Variants in ARHGEF6 observed in about 807,000 individuals in gnomAD.
The protein encoded by ARHGEF6 is Rac/Cdc42 guanine nucleotide exchange factor 6, also known as rho guanine nucleotide exchange factor 6.
A neutral mutation model predicts 70.3 loss-of-function variants in ARHGEF6; 9 were observed. That is an observed-to-expected ratio of 0.13 (90% CI 0.08 to 0.22). ARHGEF6 has a LOEUF of 0.22. ARHGEF6 is among the 10% of genes least tolerant of loss of function. The pLI is 1.00. For missense variants in ARHGEF6, 470 were observed against 563.0 expected, an observed-to-expected ratio of 0.83 and a Z score of 1.67; for synonymous variants, 201 against 207.8, an observed-to-expected ratio of 0.97 and a Z score of 0.28.
intron 2 of ARHGEF6, among the ~76,000 whole-genome samples, chrX:136,765,315 T>G (rs779364849): frequency 1.8e-5 from 2 of 112,422 alleles, no homozygotes; most frequent in South Asian, 3.7e-4. Flanking sequence ...AGAACAAAAC[T>G]CATACTCTTC....
chrX:136,731,104 A>T lies in ARHGEF6; in HGVS notation c.732+998T>A, dbSNP rs2076930849. ...TAGCCTTGGAAATGTAAGATAAAAG[A>T]TATTAACAAAATAGTCGACTGTGAT... On this transcript the variant is annotated intron_variant, in intron 6 of 21. Coordinates refer to ENST00000250617, the MANE Select transcript of ARHGEF6 (RefSeq NM_004840.3). Among the ~76,000 whole-genome samples, 5 of 112,474 alleles carry T rather than the reference A, an allele frequency of 4.4e-5. No individual in the cohort carries two copies. The South Asian group carries it at 1.8e-3, about 41-fold the overall frequency.
At chrX:136,691,140 A>G (rs1277468821) in intron 9 of ARHGEF6, among the ~76,000 whole-genome samples, 1 of 111,989 alleles carries the variant, frequency 8.9e-6, no homozygotes, top group Admixed American at 9.4e-5. Flanking sequence ...CCAGAACTTA[A>G]AGTATAATTT....
At position 136,772,857 on chromosome X, in the gene ARHGEF6, C is replaced by T. The variant is rs777469836; in HGVS notation, c.249+6557G>A. 4.5e-5 allele frequency among the ~76,000 whole-genome samples: 5 copies of T among 111,802 alleles called. No homozygotes were observed. In the East Asian group the frequency reaches 1.1e-3, roughly 25 times the overall value. On this transcript the variant is annotated intron_variant, in intron 2 of 21. Transcript: ENST00000250617. Reference sequence around the variant, plus strand: ...CAGCCTGGGAGACAGAGCAAGACTCCGTCTCAAACAAACAGACAACAACAA... The same window carrying T: ...CAGCCTGGGAGACAGAGCAAGACTCTGTCTCAAACAAACAGACAACAACAA...
intron 12 of ARHGEF6, among the ~76,000 whole-genome samples, chrX:136,684,718 A>G (rs768292682): frequency 6.3e-5 from 7 of 110,997 alleles, no homozygotes; most frequent in South Asian, 7.8e-4. Context: ...CAGGTCTAAA[A>G]TTATATTCTT....
At chrX:136,697,771 G>T (rs1020492791) in intron 9 of ARHGEF6, among the ~76,000 whole-genome samples, 3 of 112,312 alleles carry the variant, frequency 2.7e-5, no homozygotes, top group Non-Finnish European at 5.6e-5. Context: ...CAGAGAGTGG[G>T]GAATGAAATC....
intron 6 of ARHGEF6, among the ~76,000 whole-genome samples, chrX:136,714,799 C>T (rs2076720717): frequency 9.0e-6 from 1 of 111,573 alleles, no homozygotes; most frequent in African/African-American, 3.3e-5. Context: ...TAAAACTTTG[C>T]TTACATCATC....
intron 6 of ARHGEF6, among the ~76,000 whole-genome samples, chrX:136,716,183 C>T (rs1457993135): frequency 8.9e-6 from 1 of 112,805 alleles, no homozygotes; most frequent in African/African-American, 3.2e-5. Context: ...TCAGGTGATC[C>T]GCCTGCCTTG....
At chrX:136,668,533 C>CTTATTATTATTATTATTATTA (rs58182405) in intron 21 of ARHGEF6, among the ~76,000 whole-genome samples, 1 of 98,461 alleles carries the variant, frequency 1.0e-5, no homozygotes, top group African/African-American at 3.8e-5. Context: ...TCTTCTTCTT[C>CTTATTATTATTATTATTATTA]TTATTATTAT....
chrX:136,744,208 C>T (rs1171705815), intron 4 of ARHGEF6, among the ~76,000 whole-genome samples: 1 of 112,107 alleles, frequency 8.9e-6, no homozygotes, highest in Non-Finnish European at 1.9e-5. Context: ...TCCATAAAAT[C>T]TGCCTCCCAT....
At chrX:136,743,547 G>A in intron 5 of ARHGEF6, 38 bp downstream of exon 5, 1 of 1,150,697 alleles carries the variant, frequency 8.7e-7, no homozygotes, top group South Asian at 1.8e-5. Flanking sequence ...GAAAGTACAA[G>A]AGTCACAATC....
chrX:136,758,802 A>C (rs1300557645), intron 2 of ARHGEF6, among the ~76,000 whole-genome samples: 2 of 111,633 alleles, frequency 1.8e-5, no homozygotes. Flanking sequence ...CAAGCTATCT[A>C]AAATGAAATT....
chrX:136,741,320 T>A (rs1259056632), intron 5 of ARHGEF6, among the ~76,000 whole-genome samples: 1 of 111,720 alleles, frequency 9.0e-6, no homozygotes, highest in Non-Finnish European at 1.9e-5. Flanking sequence ...ACCTTTATGA[T>A]GATCTACTTC....
At chrX:136,711,840 C>T (rs1203187349) in intron 7 of ARHGEF6, among the ~76,000 whole-genome samples, 1 of 112,229 alleles carries the variant, frequency 8.9e-6, no homozygotes, top group Non-Finnish European at 1.9e-5. Context: ...GGATTACAGG[C>T]GTCAGCCAAC....
In ARHGEF6 at chrX:136,682,666, A is replaced by T; in HGVS notation, c.1479+92T>A. ...AGAACATTCTGGTTCTCCTGGCTTG[A>T]GCTTTTAATGCCATAGTGGAGATAT... On this transcript the variant is annotated intron_variant, in intron 13 of 21. Transcript: ENST00000250617. 4.3e-6 allele frequency: 3 copies of T among 697,120 alleles called. No individual in the cohort carries two copies. In the Admixed American group the frequency reaches 6.9e-5, roughly 16 times the overall value. The allele number at this position is 697,120 out of a possible 1,213,427, so 57.5% of individuals were successfully genotyped here.
chrX:136,688,856 G>A (rs1414936372), intron 10 of ARHGEF6, among the ~76,000 whole-genome samples: 2 of 111,893 alleles, frequency 1.8e-5, no homozygotes, highest in African/African-American at 3.3e-5. Context: ...TTGCAATTCC[G>A]AAAGTGGACA....
intron 2 of ARHGEF6, among the ~76,000 whole-genome samples, chrX:136,778,300 G>T (rs914285429): frequency 6.3e-5 from 7 of 111,037 alleles, no homozygotes; most frequent in Non-Finnish European, 1.3e-4. Context: ...AACCCAAAAA[G>T]TTTAGCACCA....
intron 9 of ARHGEF6, among the ~76,000 whole-genome samples, chrX:136,703,948 T>C (rs928158009): frequency 1.8e-5 from 2 of 113,019 alleles, no homozygotes; most frequent in Admixed American, 9.3e-5. Flanking sequence ...AAAAAGTTCA[T>C]GTGACTCACT....
At chrX:136,699,338 A>T (rs1340610213) in intron 9 of ARHGEF6, among the ~76,000 whole-genome samples, 1 of 110,980 alleles carries the variant, frequency 9.0e-6, no homozygotes, top group Non-Finnish European at 1.9e-5. Flanking sequence ...GTTTTAGAGT[A>T]ACCACTAAAA....
At chrX:136,711,710 G>T (rs953627963) in intron 7 of ARHGEF6, among the ~76,000 whole-genome samples, 21 of 110,558 alleles carry the variant, frequency 1.9e-4, no homozygotes, top group African/African-American at 4.9e-4. Context: ...CTACAGGTGC[G>T]CACCACCAAG....
Sources: allele counts gnomAD v4.1 joint callset (sites outside exome capture counted in the v4.1 genomes callset), GRCh38; gene constraint gnomAD v4.1.1; transcripts MANE v1.5; gene names NCBI Gene and HGNC (gene_info 2026-07-23, HGNC 2026-07-21).